Variants in RANBP17 observed in about 807,000 individuals in gnomAD.
RANBP17 encodes the protein ran-binding protein 17.
A neutral mutation model predicts 141.2 loss-of-function variants in RANBP17; 158 were observed. The observed-to-expected ratio is 1.12, with a 90% CI of 0.98 to 1.28. The LOEUF (loss-of-function observed/expected upper bound fraction) is 1.28, where lower values mean the gene tolerates loss of function less well. Among genes scored for constraint, RANBP17 ranks in the 50% most tolerant of loss-of-function variants. The pLI, the probability that RANBP17 is intolerant of heterozygous loss-of-function variation, is 0.00. For synonymous variants in RANBP17, 430 were observed against 450.0 expected (o/e 0.96, Z 0.56); for missense variants, 1,438 against 1,290.7 (o/e 1.11, Z -1.75).
intron 25 of RANBP17, among the ~76,000 whole-genome samples, chr5:171,275,674 G>T (rs1321301646): frequency 6.6e-6 from 1 of 152,094 alleles, no homozygotes; most frequent in African/African-American, 2.4e-5. Flanking sequence ...TTACAAGAGG[G>T]TTTAGCCTCT....
At chr5:170,924,686 A>T in intron 12 of RANBP17, 136 bp downstream of exon 12, 1 of 548,548 alleles carries the variant, frequency 1.8e-6, no homozygotes, top group Non-Finnish European at 3.0e-6. Flanking sequence ...CATTAATTTT[A>T]TTAACCTCCT....
At chr5:171,048,879 T>C (rs895749353) in intron 14 of RANBP17, among the ~76,000 whole-genome samples, 1 of 152,154 alleles carries the variant, frequency 6.6e-6, no homozygotes, top group African/African-American at 2.4e-5. Context: ...CAGTCTACCA[T>C]TGGTGGGCAT....
intron 14 of RANBP17, among the ~76,000 whole-genome samples, chr5:170,973,634 T>A (rs1039462211): frequency 6.3e-5 from 7 of 110,966 alleles, no homozygotes; most frequent in Admixed American, 9.9e-5. Context: ...AATACATGAA[T>A]AAACACTTCA....
intron 14 of RANBP17, among the ~76,000 whole-genome samples, chr5:171,127,643 A>G (rs1756577085): frequency 1.3e-5 from 2 of 152,254 alleles, no homozygotes; most frequent in African/African-American, 2.4e-5. Flanking sequence ...AATGCAAATC[A>G]AAACCACAAT....
At position 171,212,951 on chromosome 5, in the gene RANBP17, G is replaced by A. The variant is rs144846432; in HGVS notation, c.2232-680G>A. Among the ~76,000 whole-genome samples the A allele has an allele frequency of 1.7e-3, 255 of 152,206 alleles. 2 individuals are homozygous for A. Among genetic ancestry groups the A allele is most frequent in the African/African-American group, 6.0e-3 (249 of 41,540 alleles). On this transcript the variant is annotated intron_variant, in intron 20 of 27. Transcript: ENST00000523189. The stretch of plus-strand genomic sequence containing the variant: ...GGCATATACTCCTTAGCATTAATAA[G>A]GATGTTAGAGAATGTCTCCTTGTGT...
intron 25 of RANBP17, among the ~76,000 whole-genome samples, chr5:171,274,004 T>C (rs1767303804): frequency 6.6e-6 from 1 of 152,164 alleles, no homozygotes; most frequent in African/African-American, 2.4e-5. Context: ...ACACAAGGAA[T>C]ACAATAAACA....
chr5:170,969,545 C>G (rs1776838424), intron 14 of RANBP17, among the ~76,000 whole-genome samples: 3 of 151,840 alleles, frequency 2.0e-5, no homozygotes, highest in Admixed American at 2.0e-4. Context: ...CAGAGAGTAT[C>G]TTTGCTTTTG....
chr5:170,940,812 C>CATG (rs1774264862), intron 12 of RANBP17, among the ~76,000 whole-genome samples: 1 of 151,676 alleles, frequency 6.6e-6, no homozygotes, highest in Admixed American at 6.6e-5. Flanking sequence ...CTCCAGGGCA[C>CATG]ATGGCGTGTT....
At chr5:171,018,902 A>G (rs547288241) in intron 14 of RANBP17, among the ~76,000 whole-genome samples, 4 of 152,194 alleles carry the variant, frequency 2.6e-5, no homozygotes, top group African/African-American at 4.8e-5. Context: ...TTTGTCATAA[A>G]TAGCTCTTAT....
intron 14 of RANBP17, among the ~76,000 whole-genome samples, chr5:171,088,602 A>G (rs200819258): frequency 0.052 from 7,900 of 152,196 alleles, 241 homozygotes; most frequent in East Asian, 0.12. Context: ...AGGTACACCA[A>G]TCAGACGTAG....
chr5:171,255,162 A>G (rs752732121), intron 24 of RANBP17, among the ~76,000 whole-genome samples: 9 of 152,292 alleles, frequency 5.9e-5, no homozygotes, highest in Admixed American at 1.3e-4. Context: ...TGATCTACCA[A>G]CATGCCACAG....
intron 26 of RANBP17, among the ~76,000 whole-genome samples, chr5:171,294,808 TGA>T (rs1157201430): frequency 1.3e-5 from 2 of 152,176 alleles, no homozygotes; most frequent in Non-Finnish European, 1.5e-5. Flanking sequence ...TTAAAATGAT[TGA>T]GAGGGAATAA....
intron 14 of RANBP17, among the ~76,000 whole-genome samples, chr5:170,981,395 A>G (rs1320438787): frequency 3.3e-5 from 5 of 152,102 alleles, no homozygotes. Context: ...TCCCCACCCA[A>G]ATCTCATCTT....
chr5:170,964,171 T>A (rs1776351398), intron 13 of RANBP17, among the ~76,000 whole-genome samples: 1 of 152,172 alleles, frequency 6.6e-6, no homozygotes. Flanking sequence ...TGCACTTTGG[T>A]AATAGCTATC....
intron 21 of RANBP17, among the ~76,000 whole-genome samples, chr5:171,215,668 T>C (rs1763170181): frequency 6.6e-6 from 1 of 152,224 alleles, no homozygotes; most frequent in South Asian, 2.1e-4. Flanking sequence ...TGATGAGCTT[T>C]TTTTTCACAT....
At chr5:170,987,093 C>T (rs567462675) in intron 14 of RANBP17, among the ~76,000 whole-genome samples, 1 of 151,858 alleles carries the variant, frequency 6.6e-6, no homozygotes, top group Admixed American at 6.6e-5. Flanking sequence ...AGAATTTTCA[C>T]TTTGGTGAAA....
intron 14 of RANBP17, among the ~76,000 whole-genome samples, chr5:171,107,449 G>A (rs989130837): frequency 2.6e-5 from 4 of 152,280 alleles, no homozygotes; most frequent in African/African-American, 9.6e-5. Flanking sequence ...TCTTATTTGT[G>A]AGTGGATGCT....
At chr5:171,115,703 A>T (rs1755569978) in intron 14 of RANBP17, among the ~76,000 whole-genome samples, 1 of 152,216 alleles carries the variant, frequency 6.6e-6, no homozygotes, top group Admixed American at 6.5e-5. Context: ...GTATCACATT[A>T]CTGGTATTTC....
chr5:171,028,666 A>G (rs1424821266), intron 14 of RANBP17, among the ~76,000 whole-genome samples: 1 of 152,158 alleles, frequency 6.6e-6, no homozygotes, highest in Non-Finnish European at 1.5e-5. Context: ...TTATTATTAT[A>G]TCCATTCCAA....
Sources: gnomAD v4.1 joint callset for allele counts (sites outside exome capture counted in the v4.1 genomes callset) on GRCh38, gnomAD v4.1.1 for gene constraint, MANE v1.5 for transcripts, NCBI Gene and HGNC (gene_info 2026-07-23, HGNC 2026-07-21) for gene names.